PDE4C: variants seen among roughly 807,000 people sequenced by gnomAD.
PDE4C encodes the protein 3',5'-cyclic-AMP phosphodiesterase 4C.
Under a neutral mutation model 63.9 loss-of-function variants are expected in PDE4C, and 50 were observed. That is an observed-to-expected ratio of 0.78 (90% confidence interval 0.62 to 0.99). The LOEUF (loss-of-function observed/expected upper bound fraction) is 0.99. PDE4C is among the 50% of genes least tolerant of loss of function. The probability of loss-of-function intolerance (pLI) is 0.00; values close to 1 mark genes in which losing one functional copy is unlikely to be tolerated. For missense variants in PDE4C, 777 were observed against 899.1 expected (o/e 0.86, Z 1.74); for synonymous variants, 377 against 385.1 (o/e 0.98, Z 0.25).
At chr19:18,225,387 C>T (rs1968682927) in intron 1 of PDE4C, 1 of 152,502 alleles carries the variant, frequency 6.6e-6, no homozygotes, top group South Asian at 2.1e-4. Flanking sequence ...AGGTCGCTCT[C>T]CAGGACACGG....
Position 18,222,046 on chromosome 19 carries a change from T to C in PDE4C, c.338+86A>G, listed in dbSNP as rs750385035. ...CTTAAACTTCAAAACCTTCCTTAAATGGCTATTTGAAGGAGCTTGCTGAAT... is the reference window on the plus strand; with the variant it reads ...CTTAAACTTCAAAACCTTCCTTAAACGGCTATTTGAAGGAGCTTGCTGAAT... On this transcript the variant is annotated intron_variant, in intron 2 of 14. Transcript: ENST00000262805. 4.3e-6 allele frequency: 5 copies of C among 1,157,168 alleles called. No individual in the cohort carries two copies. The East Asian group carries it at 1.2e-4, about 28-fold the overall frequency. The allele number at this position is 1,157,168 out of a possible 1,614,324, so 71.7% of individuals were successfully genotyped here. A position where few individuals can be genotyped will look rare whatever the true frequency, so the allele number is the denominator to read the frequency against.
intron 14 of PDE4C, among the ~76,000 whole-genome samples, 182 bp from the exon 15 acceptor site, chr19:18,211,458 C>T (rs1262364081): frequency 1.3e-5 from 2 of 152,190 alleles, no homozygotes; most frequent in African/African-American, 4.8e-5. Context: ...CTTAACCCTT[C>T]TGGCCTCCTC....
intron 13 of PDE4C, among the ~76,000 whole-genome samples, chr19:18,212,929 G>C (rs1968021518): frequency 1.4e-5 from 2 of 139,024 alleles, no homozygotes; most frequent in Non-Finnish European, 3.1e-5. Flanking sequence ...CTCATGATCT[G>C]CCTGCCTCGG....
upstream of PDE4C, among the ~76,000 whole-genome samples, chr19:18,233,840 G>A (rs568276715): frequency 6.6e-6 from 1 of 152,286 alleles, no homozygotes; most frequent in Non-Finnish European, 1.5e-5. Context: ...AGCAACAATG[G>A]CAACAAGGAG....
chr19:18,218,180 AGGATGGTCCACGTCGT>A lies in PDE4C; in HGVS notation c.1187_1202del (p.His396LeufsTer8). On this transcript the variant is annotated frameshift_variant, in exon 11 of 15. Coordinates refer to ENST00000262805, the Ensembl canonical transcript of PDE4C. LOFTEE classifies it high-confidence loss of function. ...TAATCAGAAACTGGTTGGAGACCCC[AGGATGGTCCACGTCGT>A]GGATGGCGCTTGCAAAGAGGGCAGC... 1.9e-6 allele frequency: 3 copies of A among 1,614,198 alleles called. No individual in the cohort carries two copies. Among genetic ancestry groups the A allele is most frequent in the Non-Finnish European group, 2.5e-6 (3 of 1,180,022 alleles).
chr19:18,252,224 C>T (rs921728245), upstream of PDE4C: 4 of 398,792 alleles, frequency 1.0e-5, no homozygotes, highest in Admixed American at 4.4e-5. Flanking sequence ...AACTAGGGTG[C>T]GTGATTGTCT....
In PDE4C at chr19:18,213,364, A is replaced by G. The variant is rs979061986; in HGVS notation, c.1512+4T>C. On this transcript the variant is annotated splice_donor_region_variant and intron_variant, in intron 13 of 14. Transcript: ENST00000262805. Reference sequence around the variant, plus strand: ...GAAGCCCCAGTGCCCATCCAGCTACACACCTGGATTCGGTCGGAATAGTTG... The same window carrying G: ...GAAGCCCCAGTGCCCATCCAGCTACGCACCTGGATTCGGTCGGAATAGTTG... 2.5e-6 allele frequency: 4 copies of G among 1,611,980 alleles called. No individual in the cohort carries two copies. The highest frequency in any genetic ancestry group is 3.4e-6 in the Non-Finnish European group (4 of 1,178,686).
chr19:18,209,309 T>A (rs957684054), downstream of PDE4C: 4 of 152,012 alleles, frequency 2.6e-5, no homozygotes, highest in Non-Finnish European at 2.9e-5. Flanking sequence ...TGGAGTGCAA[T>A]GGCACGATCT....
At chr19:18,239,370 T>C (rs2043490711) in intron 1 of PDE4C, among the ~76,000 whole-genome samples, 2 of 152,212 alleles carry the variant, frequency 1.3e-5, no homozygotes, top group Non-Finnish European at 2.9e-5. Flanking sequence ...TCTGAACGGA[T>C]GCGTTGGGAG....
exon 1 of PDE4C, chr19:18,233,468 C>G (rs1273392107): frequency 7.4e-6 from 5 of 675,964 alleles, no homozygotes; most frequent in Non-Finnish European, 1.4e-5. Context: ...AAGAGACCCC[C>G]CCCCAACACA....
At chr19:18,219,563 C>A in intron 7 of PDE4C, 166 bp from the exon 8 acceptor site, 1 of 711,452 alleles carries the variant, frequency 1.4e-6, no homozygotes, top group Non-Finnish European at 2.3e-6. Context: ...GTGGCTCACG[C>A]CTGTAATCCC....
At chr19:18,210,608 C>A (rs2147997287) in exon 15 of PDE4C, 2 of 253,264 alleles carry the variant, frequency 7.9e-6, no homozygotes, top group South Asian at 2.7e-4. Flanking sequence ...TCAAGAGTGA[C>A]CACTGGAGAG....
upstream of PDE4C, among the ~76,000 whole-genome samples, chr19:18,253,092 G>A (rs1969250279): frequency 6.6e-6 from 1 of 152,208 alleles, no homozygotes. Context: ...TTGGCTGAGA[G>A]CTCTAGAAGC....
rs186497813 is a variant in PDE4C at position 18,220,008 on chromosome 19, A to G, written c.706+218T>C. On this transcript the variant is annotated intron_variant, in intron 7 of 14. Coordinates refer to ENST00000262805, the Ensembl canonical transcript of PDE4C. The surrounding 1 kb of genome is among the most constrained non-coding windows in gnomAD (Gnocchi z 5.1). ...TGTCTGGTTCCCTCCATCTCCTCCT[A>G]GGCAAATTTCTACTCATGCTTCAAA... 6.6e-6 allele frequency among the ~76,000 whole-genome samples: 1 copy of G among 151,912 alleles called. No individual in the cohort carries two copies. The highest frequency in any genetic ancestry group is 6.6e-5 in the Admixed American group (1 of 15,236).
intron 1 of PDE4C, among the ~76,000 whole-genome samples, chr19:18,247,153 C>T (rs1321386030): frequency 6.6e-6 from 1 of 152,228 alleles, no homozygotes; most frequent in Non-Finnish European, 1.5e-5. Flanking sequence ...AACCTTGTGT[C>T]CAGGCACAAG....
At chr19:18,219,917 C>T (rs1225980667) in intron 7 of PDE4C, among the ~76,000 whole-genome samples, 1 of 152,138 alleles carries the variant, frequency 6.6e-6, no homozygotes. Flanking sequence ...AGGCTTGGCC[C>T]CTGGGTGCCT....
intron 4 of PDE4C, 86 bp from the exon 5 acceptor site, chr19:18,221,009 T>G: frequency 6.8e-7 from 1 of 1,475,190 alleles, no homozygotes; most frequent in East Asian, 2.4e-5. Context: ...CAAACCCACC[T>G]GGAGGCGCCG....
upstream of PDE4C, chr19:18,250,282 G>A (rs910664439): frequency 1.8e-5 from 7 of 398,962 alleles, no homozygotes; most frequent in Non-Finnish European, 3.1e-5. Flanking sequence ...TTGGCCCCAG[G>A]GCTGAGCCCC....
chr19:18,216,862 G>A (rs199811187), exon 12 of PDE4C: 14 of 1,614,002 alleles, frequency 8.7e-6, no homozygotes, highest in East Asian at 4.5e-5. Flanking sequence ...CTCCAGCACC[G>A]AGGCGTCGTT....
Sources: gnomAD v4.1 joint callset for allele counts (sites outside exome capture counted in the v4.1 genomes callset) on GRCh38, gnomAD v4.1.1 for gene constraint, Gnocchi (gnomAD v3.1) non-coding constraint, MANE v1.5 for transcripts, NCBI Gene and HGNC (gene_info 2026-07-23, HGNC 2026-07-21) for gene names.